The following ADAM22 variants were observed in gnomAD, a reference collection of about 807,000 sequenced individuals.
ADAM22 encodes the protein disintegrin and metalloproteinase domain-containing protein 22.
Under a neutral mutation model 144.6 loss-of-function variants are expected in ADAM22, and 65 were observed. The ratio of observed to expected loss-of-function variants is 0.45; its 90% confidence interval spans 0.37 to 0.55. The LOEUF (loss-of-function observed/expected upper bound fraction) is 0.55. ADAM22 is among the 20% of genes least tolerant of loss of function. The probability of loss-of-function intolerance (pLI) is 0.00; values close to 1 mark genes in which losing one functional copy is unlikely to be tolerated. For missense variants in ADAM22, 974 were observed against 1,184.9 expected (o/e 0.82, Z 2.61); for synonymous variants, 391 against 412.6 (o/e 0.95, Z 0.63).
chr7:88,046,720 C>G (rs150024479), intron 3 of ADAM22, among the ~76,000 whole-genome samples: 4 of 152,016 alleles, frequency 2.6e-5, no homozygotes, highest in Non-Finnish European at 4.4e-5. Context: ...AAGTCTTTAG[C>G]CTATTTTGAG....
chr7:88,070,695 A>T (rs758014015), intron 3 of ADAM22, among the ~76,000 whole-genome samples: 1 of 151,998 alleles, frequency 6.6e-6, no homozygotes, highest in African/African-American at 2.4e-5. Flanking sequence ...ATACATTTTG[A>T]AGGTAGAATT....
At chr7:88,095,027 C>T (rs1319427429) in intron 4 of ADAM22, among the ~76,000 whole-genome samples, 1 of 152,164 alleles carries the variant, frequency 6.6e-6, no homozygotes, top group Admixed American at 6.6e-5. Context: ...TAGCTCAGAG[C>T]TTTGGGTGTG....
chr7:88,113,703 A>AATGTGTAT lies in ADAM22; in HGVS notation c.474-879_474-878insGTGTATAT, dbSNP rs1554478727. 6.1e-3 allele frequency among the ~76,000 whole-genome samples: 292 copies of AATGTGTAT among 48,100 alleles called. 15 individuals carry two copies. The highest frequency in any genetic ancestry group is 0.014 in the African/African-American group (181 of 12,492). 31.6% of individuals were successfully genotyped at this position (48,100 alleles called of 152,430 possible). A position where few individuals can be genotyped will look rare whatever the true frequency, so the allele number is the denominator to read the frequency against. ...TATATATATTATAAATAAATAAATAAATATATATATATATATATATATATA... is the reference window on the plus strand; with the variant it reads ...TATATATATTATAAATAAATAAATAAATGTGTATATATATATATATATATATATATATA... On this transcript the variant is annotated intron_variant, in intron 5 of 31. Transcript: ENST00000413139.
At chr7:87,995,621 C>A (rs549821962) in intron 3 of ADAM22, among the ~76,000 whole-genome samples, 1 of 152,286 alleles carries the variant, frequency 6.6e-6, no homozygotes, top group Admixed American at 6.5e-5. Context: ...CCCAGACCTG[C>A]TGAATCAGAA....
rs1265712985 is a variant in ADAM22 at position 88,047,024 on chromosome 7, T to A, written c.324-28602T>A. On this transcript the variant is annotated intron_variant, in intron 3 of 31. Transcript: ENST00000413139. The stretch of plus-strand genomic sequence containing the variant: ...ACCAGCTGTGGAACTTGGTGCTTGT[T>A]CCTTTCACTGGCCACTTGTGTACCT... 3.3e-5 allele frequency among the ~76,000 whole-genome samples: 5 copies of A among 152,218 alleles called. No homozygotes were observed. In the East Asian group the frequency reaches 7.7e-4, roughly 23 times the overall value.
At chr7:88,017,210 G>C (rs191264919) in intron 3 of ADAM22, among the ~76,000 whole-genome samples, 1 of 152,256 alleles carries the variant, frequency 6.6e-6, no homozygotes, top group East Asian at 1.9e-4. Flanking sequence ...TTATAGCACC[G>C]TAGGGTGAAT....
intron 3 of ADAM22, among the ~76,000 whole-genome samples, chr7:88,044,733 C>CT (rs1157567254): frequency 8.6e-5 from 12 of 138,986 alleles, no homozygotes; most frequent in South Asian, 2.3e-4. Context: ...GGTGCCTGGC[C>CT]TTTTTTTTTG....
intron 3 of ADAM22, among the ~76,000 whole-genome samples, chr7:88,016,770 G>T (rs903887818): frequency 1.3e-5 from 2 of 152,154 alleles, no homozygotes; most frequent in Non-Finnish European, 2.9e-5. Context: ...GGTTGATAGA[G>T]ACTGAGAAAG....
chr7:88,077,653 C>T lies in ADAM22; in HGVS notation c.390+1961C>T, dbSNP rs138690425. ...TCGGGTCACTCCCACCCTAATACTG[C>T]GCTTTTCCAACGGGCTTAACAAACG... On this transcript the variant is annotated intron_variant, in intron 4 of 31. Coordinates refer to ENST00000413139, the MANE Select transcript of ADAM22 (RefSeq NM_001324418.2). 5.6e-4 allele frequency among the ~76,000 whole-genome samples: 86 copies of T among 152,332 alleles called. No individual in the cohort carries two copies. The East Asian group carries it at 0.013, about 23-fold the overall frequency.
chr7:88,073,764 T>A (rs1813452169), intron 3 of ADAM22, among the ~76,000 whole-genome samples: 1 of 152,180 alleles, frequency 6.6e-6, no homozygotes, highest in Non-Finnish European at 1.5e-5. Context: ...ATGGTGTGGT[T>A]ACAAGGACCA....
At chr7:88,136,707 G>C (rs1005188314) in intron 14 of ADAM22, among the ~76,000 whole-genome samples, 2 of 151,618 alleles carry the variant, frequency 1.3e-5, no homozygotes, top group Non-Finnish European at 2.9e-5. Context: ...CAAATACTGA[G>C]TATAAATTCG....
At chr7:88,082,160 C>T (rs1429130345) in intron 4 of ADAM22, among the ~76,000 whole-genome samples, 1 of 152,058 alleles carries the variant, frequency 6.6e-6, no homozygotes, top group Non-Finnish European at 1.5e-5. Context: ...TGGAACAGAA[C>T]AGAGCCCTCA....
At chr7:88,034,808 CAACGCA>C (rs1452602909) in intron 3 of ADAM22, among the ~76,000 whole-genome samples, 1 of 152,108 alleles carries the variant, frequency 6.6e-6, no homozygotes, top group Non-Finnish European at 1.5e-5. Context: ...CACTGAATTC[CAACGCA>C]AAGTCCCACA....
chr7:87,942,798 A>C (rs969648651), intron 2 of ADAM22, among the ~76,000 whole-genome samples: 9 of 152,182 alleles, frequency 5.9e-5, no homozygotes, highest in Admixed American at 5.2e-4. Context: ...TCAGCAATCA[A>C]CACCAAAATT....
intron 7 of ADAM22, among the ~76,000 whole-genome samples, chr7:88,121,661 C>T (rs1353965387): frequency 7.9e-5 from 12 of 152,066 alleles, no homozygotes; most frequent in African/African-American, 2.9e-4. Context: ...CACAGGGCTG[C>T]CCCCCACCAA....
At chr7:88,038,003 A>G (rs1225173489) in intron 3 of ADAM22, among the ~76,000 whole-genome samples, 1 of 152,186 alleles carries the variant, frequency 6.6e-6, no homozygotes, top group African/African-American at 2.4e-5. Context: ...GGACATAGTG[A>G]TATATCTCAG....
Position 88,021,677 on chromosome 7 carries a change from G to T in ADAM22, c.323+43265G>T, listed in dbSNP as rs764991813. ...CTAAAGCACAGTTTCCAGACCCACTGATCATGAATGGATGCTGAATTTCAG... is the reference window on the plus strand; with the variant it reads ...CTAAAGCACAGTTTCCAGACCCACTTATCATGAATGGATGCTGAATTTCAG... On this transcript the variant is annotated intron_variant, in intron 3 of 31. Coordinates refer to ENST00000413139, the MANE Select transcript of ADAM22 (RefSeq NM_001324418.2). Among the ~76,000 whole-genome samples, 7 of 152,254 alleles carry T rather than the reference G, an allele frequency of 4.6e-5. No individual in the cohort carries two copies. The Middle Eastern group carries it at 0.01, about 222-fold the overall frequency.
intron 4 of ADAM22, among the ~76,000 whole-genome samples, chr7:88,097,155 T>C (rs1821563385): frequency 1.4e-5 from 2 of 146,432 alleles, no homozygotes; most frequent in African/African-American, 5.1e-5. Context: ...TCTTTTCTTT[T>C]TTTTTTTTTT....
intron 2 of ADAM22, among the ~76,000 whole-genome samples, chr7:87,948,168 G>A (rs1269991508): frequency 6.6e-6 from 1 of 151,734 alleles, no homozygotes; most frequent in East Asian, 1.9e-4. Flanking sequence ...GGTTTATTTT[G>A]TATTTCCCCC....
Sources: allele counts gnomAD v4.1 joint callset (sites outside exome capture counted in the v4.1 genomes callset), GRCh38; gene constraint gnomAD v4.1.1; transcripts MANE v1.5; gene names NCBI Gene and HGNC (gene_info 2026-07-23, HGNC 2026-07-21).